The following WDR27 variants were observed in gnomAD, a reference collection of about 807,000 sequenced individuals.
WDR27 encodes WD repeat domain 27, also known as WD repeat-containing protein 27.
Under a neutral mutation model 114.4 loss-of-function variants are expected in WDR27, and 100 were observed. The ratio of observed to expected loss-of-function variants is 0.87; its 90% CI spans 0.74 to 1.03. WDR27 has a LOEUF of 1.03. Ranked by LOEUF, WDR27 falls within the 50% of genes least tolerant of loss-of-function variation. WDR27 has a pLI of 0.00. For missense variants in WDR27, 1,129 were observed against 1,092.9 expected (o/e 1.03, Z -0.47); for synonymous variants, 449 against 423.1 (o/e 1.06, Z -0.75).
At chr6:169,678,583 G>T (rs1372149192) in intron 2 of WDR27, among the ~76,000 whole-genome samples, 1 of 152,150 alleles carries the variant, frequency 6.6e-6, no homozygotes, top group Non-Finnish European at 1.5e-5. Context: ...GCTGGAACAA[G>T]TTAAGGCTGA....
At chr6:169,563,874 C>T (rs1009396278) in intron 25 of WDR27, among the ~76,000 whole-genome samples, 2 of 152,180 alleles carry the variant, frequency 1.3e-5, no homozygotes, top group Non-Finnish European at 2.9e-5. Flanking sequence ...AACATCACAT[C>T]CGTGACATGA....
chr6:169,490,641 A>C (rs1014298294), intron 25 of WDR27, among the ~76,000 whole-genome samples: 1 of 152,238 alleles, frequency 6.6e-6, no homozygotes, highest in African/African-American at 2.4e-5. Context: ...TATCAGCACA[A>C]GAGAAATGAA....
intron 21 of WDR27, among the ~76,000 whole-genome samples, chr6:169,616,365 G>A (rs1811827890): frequency 6.6e-6 from 1 of 152,110 alleles, no homozygotes; most frequent in African/African-American, 2.4e-5. Context: ...GCGGGCACCT[G>A]TAGTCCCAGC....
chr6:169,428,957 C>A, the WDR27 span, among the ~76,000 whole-genome samples: 1 of 152,190 alleles, frequency 6.6e-6, no homozygotes, highest in Admixed American at 6.5e-5. Flanking sequence ...GGAAATGGAG[C>A]TTGCACCACA....
At chr6:169,461,854 A>G (rs1784945802) in intron 25 of WDR27, among the ~76,000 whole-genome samples, 1 of 152,058 alleles carries the variant, frequency 6.6e-6, no homozygotes, top group Non-Finnish European at 1.5e-5. Flanking sequence ...AACGAAATTA[A>G]GAAACCTCTA....
intron 25 of WDR27, among the ~76,000 whole-genome samples, chr6:169,552,718 T>C (rs192673405): frequency 6.6e-6 from 1 of 152,370 alleles, no homozygotes; most frequent in African/African-American, 2.4e-5. Context: ...TTCTAATATC[T>C]AATGTTTAAA....
intron 21 of WDR27, among the ~76,000 whole-genome samples, chr6:169,625,790 G>A (rs769040488): frequency 2.6e-5 from 4 of 152,156 alleles, no homozygotes; most frequent in Admixed American, 6.5e-5. Flanking sequence ...AGGATGCCCC[G>A]TGCTCCACGT....
chr6:169,460,131 A>T (rs1408094869), intron 25 of WDR27, among the ~76,000 whole-genome samples: 2 of 152,240 alleles, frequency 1.3e-5, no homozygotes. Flanking sequence ...AGACTAAAAC[A>T]TTAAAAAAAC....
chr6:169,621,187 T>C (rs1345528725), intron 21 of WDR27, among the ~76,000 whole-genome samples: 2 of 152,126 alleles, frequency 1.3e-5, no homozygotes, highest in Non-Finnish European at 2.9e-5. Flanking sequence ...CACATATACA[T>C]ACATACACCC....
intron 25 of WDR27, among the ~76,000 whole-genome samples, chr6:169,504,340 T>A (rs1380718044): frequency 1.3e-5 from 2 of 152,162 alleles, no homozygotes; most frequent in Non-Finnish European, 2.9e-5. Flanking sequence ...GTGTCAAGGG[T>A]AGGACCAGGT....
At chr6:169,569,129 C>T (rs550941889) in intron 25 of WDR27, among the ~76,000 whole-genome samples, 13 of 152,280 alleles carry the variant, frequency 8.5e-5, no homozygotes, top group Middle Eastern at 3.4e-3. Context: ...AACACACAAC[C>T]GTGGGACCGT....
At chr6:169,507,228 C>CT (rs1222165146) in intron 25 of WDR27, among the ~76,000 whole-genome samples, 1 of 152,124 alleles carries the variant, frequency 6.6e-6, no homozygotes, top group Non-Finnish European at 1.5e-5. Flanking sequence ...TATAAGCTGC[C>CT]TTTTTTCCCC....
chr6:169,570,520 T>G (rs538039787), intron 25 of WDR27, among the ~76,000 whole-genome samples: 1 of 152,196 alleles, frequency 6.6e-6, no homozygotes. Flanking sequence ...TCAGCAGTCC[T>G]TTCTGTTATC....
intron 16 of WDR27, among the ~76,000 whole-genome samples, chr6:169,644,333 G>A (rs1189679745): frequency 2.6e-5 from 4 of 151,346 alleles, no homozygotes; most frequent in Non-Finnish European, 4.4e-5. Context: ...TAGTTCACAC[G>A]AGTCACACTG....
intron 22 of WDR27, among the ~76,000 whole-genome samples, chr6:169,611,842 A>G (rs906234047): frequency 6.6e-6 from 1 of 152,170 alleles, no homozygotes; most frequent in African/African-American, 2.4e-5. Context: ...TCCCTCTGAT[A>G]ACAATGTCTT....
intron 2 of WDR27, among the ~76,000 whole-genome samples, chr6:169,686,658 G>A (rs902644203): frequency 6.6e-6 from 1 of 152,054 alleles, no homozygotes; most frequent in Non-Finnish European, 1.5e-5. Context: ...GCTGTACAAA[G>A]AGACAAGCAA....
intron 1 of WDR27, among the ~76,000 whole-genome samples, chr6:169,699,162 G>A (rs574376452): frequency 7.2e-5 from 11 of 152,156 alleles, no homozygotes; most frequent in East Asian, 1.9e-4. Context: ...GCCAACACAC[G>A]GAATTGGACT....
At chr6:169,668,259 C>G (rs1397839161) in intron 4 of WDR27, 74 bp from the exon 5 acceptor site, 2 of 1,497,112 alleles carry the variant, frequency 1.3e-6, no homozygotes, top group African/African-American at 1.4e-5. Flanking sequence ...GGTGAAAAGT[C>G]AGGTGTCTGA....
At chr6:169,433,857 G>T in the WDR27 span, among the ~76,000 whole-genome samples, 1 of 152,132 alleles carries the variant, frequency 6.6e-6, no homozygotes, top group Non-Finnish European at 1.5e-5. Flanking sequence ...ATGAGCTTTT[G>T]TTCATATGTT....
Sources: gnomAD v4.1 joint callset for allele counts (sites outside exome capture counted in the v4.1 genomes callset) on GRCh38, gnomAD v4.1.1 for gene constraint, MANE v1.5 for transcripts, NCBI Gene and HGNC (gene_info 2026-07-23, HGNC 2026-07-21) for gene names.